CNTN4: variants seen among roughly 807,000 people sequenced by gnomAD.
CNTN4 encodes the protein contactin 4.
In CNTN4, 77 loss-of-function variants were observed where a neutral mutation model predicts 122.5. The observed-to-expected ratio is 0.63, with a 90% CI of 0.52 to 0.76. The LOEUF (loss-of-function observed/expected upper bound fraction) is 0.76, where lower values mean the gene tolerates loss of function less well. CNTN4 is among the 30% of genes least tolerant of loss of function. The pLI, the probability that CNTN4 is intolerant of heterozygous loss-of-function variation, is 0.00. For missense variants in CNTN4, 1,256 were observed against 1,259.1 expected, an observed-to-expected ratio of 1.00 and a Z score of 0.04; for synonymous variants, 512 against 447.0, an observed-to-expected ratio of 1.15 and a Z score of -1.83.
At chr3:2,769,884 C>T (rs184565629) in intron 6 of CNTN4, among the ~76,000 whole-genome samples, 2 of 152,272 alleles carry the variant, frequency 1.3e-5, no homozygotes, top group Non-Finnish European at 2.9e-5. Context: ...GGAATCAATG[C>T]CAGCCTCTTA....
intron 12 of CNTN4, among the ~76,000 whole-genome samples, chr3:2,925,368 A>G (rs775547812): frequency 2.0e-5 from 3 of 152,098 alleles, no homozygotes; most frequent in Non-Finnish European, 2.9e-5. Flanking sequence ...ATCCTGGCCA[A>G]CATGGTGAAA....
intron 8 of CNTN4, among the ~76,000 whole-genome samples, chr3:2,880,662 C>T (rs924563051): frequency 4.6e-5 from 7 of 152,134 alleles, no homozygotes; most frequent in Non-Finnish European, 8.8e-5. Flanking sequence ...ATTTTGTAAC[C>T]GAACATGTCA....
intron 2 of CNTN4, among the ~76,000 whole-genome samples, chr3:2,249,153 TAA>T (rs10575503): frequency 0.99 from 150,172 of 151,912 alleles, 74,258 homozygotes; most frequent in Middle Eastern, 1. Flanking sequence ...AAATAAATTA[TAA>T]AAAAACATTG....
chr3:3,053,425 G>A (rs1701468180), intron 23 of CNTN4, among the ~76,000 whole-genome samples: 1 of 152,246 alleles, frequency 6.6e-6, no homozygotes, highest in Non-Finnish European at 1.5e-5. Context: ...GAAAGGTGAA[G>A]TGGCCTGTGA....
In CNTN4 at chr3:2,108,046, G is replaced by T. The variant is rs186608009; in HGVS notation, c.-145+7407G>T. Among the ~76,000 whole-genome samples, 621 of 152,116 alleles carry T rather than the reference G, an allele frequency of 4.1e-3. 1 individual carries two copies. The highest frequency in any genetic ancestry group is 5.3e-3 in the Non-Finnish European group (362 of 68,012). ...ATTCCCTCTTTCAAGATTGCCTGTG[G>T]TCCCTCCTGGATGATGCTTTCTTTT... is the stretch of plus-strand genomic sequence containing the variant. On this transcript the variant is annotated intron_variant, in intron 2 of 24. Transcript: ENST00000418658.
At chr3:2,347,121 C>T (rs895381160) in intron 3 of CNTN4, among the ~76,000 whole-genome samples, 4 of 137,202 alleles carry the variant, frequency 2.9e-5, no homozygotes, top group African/African-American at 1.1e-4. Flanking sequence ...TTTGTATCAT[C>T]AGGATGGCTA....
intron 3 of CNTN4, among the ~76,000 whole-genome samples, chr3:2,442,390 A>G (rs532975150): frequency 1.3e-5 from 2 of 152,340 alleles, no homozygotes; most frequent in East Asian, 3.9e-4. Context: ...GAGTTATTCC[A>G]AAGTGTGAAA....
chr3:2,445,535 TAGGAACTGTCTTCTTA>T (rs1189983993), intron 3 of CNTN4, among the ~76,000 whole-genome samples: 2 of 152,192 alleles, frequency 1.3e-5, no homozygotes, highest in African/African-American at 2.4e-5. Flanking sequence ...TATTGCTAAG[TAGGAACTGTCTTCTTA>T]ATTTTCTTAT....
At chr3:2,668,492 G>T (rs1047326027) in intron 4 of CNTN4, among the ~76,000 whole-genome samples, 33 of 152,316 alleles carry the variant, frequency 2.2e-4, no homozygotes, top group African/African-American at 7.9e-4. Context: ...GAGATTTTGG[G>T]CTGAGACAAT....
chr3:2,397,527 G>T (rs9836511), intron 3 of CNTN4, among the ~76,000 whole-genome samples: 3 of 151,670 alleles, frequency 2.0e-5, no homozygotes, highest in Non-Finnish European at 1.5e-5. Flanking sequence ...TATTTTAGAA[G>T]TGTGCTCCTC....
At chr3:2,898,829 G>A (rs2094142201) in intron 10 of CNTN4, among the ~76,000 whole-genome samples, 1 of 152,104 alleles carries the variant, frequency 6.6e-6, no homozygotes, top group Non-Finnish European at 1.5e-5. Flanking sequence ...CTCTGTAGGG[G>A]TCAATATTCA....
chr3:2,811,050 A>T (rs1228189228), intron 6 of CNTN4, among the ~76,000 whole-genome samples: 1 of 151,908 alleles, frequency 6.6e-6, no homozygotes, highest in East Asian at 1.9e-4. Context: ...ATCAGAAGTC[A>T]TTTCTGTGAA....
intron 13 of CNTN4, among the ~76,000 whole-genome samples, chr3:2,930,043 T>C (rs2094506145): frequency 6.6e-6 from 1 of 152,192 alleles, no homozygotes; most frequent in Non-Finnish European, 1.5e-5. Context: ...TCCTTGCAAC[T>C]TCCACTCATT....
At chr3:2,235,109 C>T (rs995037318) in intron 2 of CNTN4, among the ~76,000 whole-genome samples, 2 of 152,014 alleles carry the variant, frequency 1.3e-5, no homozygotes, top group Non-Finnish European at 2.9e-5. Context: ...CAGAGAACAC[C>T]CGTAAGTTTA....
At chr3:2,807,989 C>G (rs1234503043) in intron 6 of CNTN4, among the ~76,000 whole-genome samples, 1 of 152,156 alleles carries the variant, frequency 6.6e-6, no homozygotes, top group Admixed American at 6.5e-5. Context: ...AAGTGAGAAA[C>G]TGCGCCTCTT....
At chr3:2,979,697 A>G (rs893109265) in intron 13 of CNTN4, among the ~76,000 whole-genome samples, 40 of 151,716 alleles carry the variant, frequency 2.6e-4, no homozygotes, top group African/African-American at 9.3e-4. Context: ...AAAATTTAAC[A>G]TAACAGTTTG....
intron 3 of CNTN4, among the ~76,000 whole-genome samples, chr3:2,492,645 C>T (rs989393451): frequency 3.3e-5 from 5 of 151,946 alleles, no homozygotes; most frequent in Non-Finnish European, 7.4e-5. Flanking sequence ...GAAGAAAATT[C>T]TTAGTTGTTT....
chr3:2,985,316 G>A (rs1439274479), intron 13 of CNTN4: 1 of 152,272 alleles, frequency 6.6e-6, no homozygotes, highest in Non-Finnish European at 1.5e-5. Flanking sequence ...TGAGTGATGT[G>A]ATTTAACAGA....
chr3:2,721,099 G>A (rs985444509), intron 4 of CNTN4, among the ~76,000 whole-genome samples: 5 of 152,028 alleles, frequency 3.3e-5, no homozygotes, highest in Admixed American at 6.6e-5. Flanking sequence ...AGCCTCCCGA[G>A]CAGCTGGGAT....
Sources: gnomAD v4.1 joint callset for allele counts (sites outside exome capture counted in the v4.1 genomes callset) on GRCh38, gnomAD v4.1.1 for gene constraint, MANE v1.5 for transcripts, NCBI Gene and HGNC (gene_info 2026-07-23, HGNC 2026-07-21) for gene names.